Variants in ANKFN1 observed in about 807,000 individuals in gnomAD.
ANKFN1 encodes the protein ankyrin repeat and fibronectin type-III domain-containing protein 1.
In ANKFN1, 74 loss-of-function variants were observed where a neutral mutation model predicts 108.7. The observed-to-expected ratio is 0.68, with a 90% CI of 0.56 to 0.83. The LOEUF (loss-of-function observed/expected upper bound fraction) is 0.83. ANKFN1 is among the 40% of genes least tolerant of loss of function. The pLI is 0.00. For missense variants in ANKFN1, 1,505 were observed against 1,382.3 expected (o/e 1.09, Z -1.41); for synonymous variants, 547 against 516.2 (o/e 1.06, Z -0.81).
At chr17:56,281,094 T>G (rs956999524) in intron 3 of ANKFN1, among the ~76,000 whole-genome samples, 3 of 152,214 alleles carry the variant, frequency 2.0e-5, no homozygotes, top group African/African-American at 7.2e-5. Flanking sequence ...CTCTTTCTTT[T>G]GTAAATTGCC....
intron 4 of ANKFN1, among the ~76,000 whole-genome samples, chr17:56,339,611 C>G (rs1327998574): frequency 6.6e-6 from 1 of 152,174 alleles, no homozygotes; most frequent in African/African-American, 2.4e-5. Context: ...TCCAGCTCCA[C>G]CCATGTCCCT....
Position 56,511,238 on chromosome 17 carries a change from C to A in ANKFN1, c.3410C>A (p.Pro1137His). 1 of 1,532,282 alleles carries A rather than the reference C, an allele frequency of 6.5e-7. No homozygotes were observed. The highest frequency in any genetic ancestry group is 8.7e-7 in the Non-Finnish European group (1 of 1,144,436). 94.9% of individuals were successfully genotyped at this position (1,532,282 alleles called of 1,614,324 possible). A position where few individuals can be genotyped will look rare whatever the true frequency, so the allele number is the denominator to read the frequency against. ...DVSQEGPTAS[P>H]MSEILSSML is the part of the protein sequence containing the mutation. ...AGTCAGGAGGGCCCCACCGCCTCTC[C>A]CATGTCAGAAATACTCAGCAGCATG... Residue 1137 changes from proline to histidine, a missense_variant, in exon 21 of 21, where the codon CCC (proline) becomes CAC (histidine). Pro to His is a moderately conservative substitution (Grantham distance 77). Coordinates refer to ENST00000682825, the MANE Select transcript of ANKFN1 (RefSeq NM_001370326.1).
chr17:56,304,408 AGTT>A (rs1288480524), intron 3 of ANKFN1, among the ~76,000 whole-genome samples: 2 of 152,094 alleles, frequency 1.3e-5, no homozygotes, highest in Non-Finnish European at 2.9e-5. Flanking sequence ...AGGACAACTG[AGTT>A]GTTTTCAGTT....
Position 56,511,933 on chromosome 17 carries a change from A to G in ANKFN1, c.*664A>G, listed in dbSNP as rs893133177. ...GTGCTGTGTGGAGACCACCAGAAAC[A>G]AAAGTGGAGAATTCTCTTTCAGCTC... On this transcript the variant is annotated 3_prime_UTR_variant, in exon 21 of 21. Transcript: ENST00000682825. Among the ~76,000 whole-genome samples the G allele has an allele frequency of 6.6e-6, 1 of 152,146 alleles. No individual in the cohort carries two copies. The highest frequency in any genetic ancestry group is 1.5e-5 in the Non-Finnish European group (1 of 68,024).
At chr17:56,186,544 C>A (rs1912230865) in intron 1 of ANKFN1, among the ~76,000 whole-genome samples, 2 of 152,140 alleles carry the variant, frequency 1.3e-5, no homozygotes, top group South Asian at 4.1e-4. Context: ...CGCAAAAGAG[C>A]AAAAATGTAT....
intron 1 of ANKFN1, among the ~76,000 whole-genome samples, chr17:56,154,141 T>C (rs1340506912): frequency 2.0e-5 from 3 of 152,166 alleles, no homozygotes; most frequent in Non-Finnish European, 4.4e-5. Flanking sequence ...TCGGAATCCC[T>C]GTTACTGACC....
At position 56,317,751 on chromosome 17, in the gene ANKFN1, C is replaced by T. The variant is rs549159803; in HGVS notation, c.54-8470C>T. ...CTGGTGTGTCCCTGAATGGCCAGTG[C>T]AGTCAACACATAATCAGACAATCTA... On this transcript the variant is annotated intron_variant, in intron 3 of 20. Coordinates refer to ENST00000682825, the MANE Select transcript of ANKFN1 (RefSeq NM_001370326.1). 9.8e-5 allele frequency among the ~76,000 whole-genome samples: 15 copies of T among 152,286 alleles called. No individual in the cohort carries two copies. The East Asian group carries it at 1.5e-3, about 16-fold the overall frequency.
At chr17:56,160,255 T>TA (rs1274853487) in intron 1 of ANKFN1, among the ~76,000 whole-genome samples, 2 of 152,174 alleles carry the variant, frequency 1.3e-5, no homozygotes, top group Non-Finnish European at 2.9e-5. Flanking sequence ...TCAGAATGAA[T>TA]AAAAAATGAA....
intron 15 of ANKFN1, among the ~76,000 whole-genome samples, chr17:56,470,058 A>G (rs2050263981): frequency 6.6e-6 from 1 of 152,106 alleles, no homozygotes; most frequent in African/African-American, 2.4e-5. Context: ...CTGTTCCTGC[A>G]TTAGTTTGCT....
intron 10 of ANKFN1, among the ~76,000 whole-genome samples, chr17:56,446,695 A>G (rs1220248933): frequency 2.6e-5 from 4 of 152,072 alleles, no homozygotes; most frequent in Admixed American, 2.6e-4. Flanking sequence ...ACCTGAGGTA[A>G]GAGTTCAAGA....
At chr17:56,377,541 G>C (rs369770050) in intron 8 of ANKFN1, among the ~76,000 whole-genome samples, 45 of 152,286 alleles carry the variant, frequency 3.0e-4, no homozygotes, top group African/African-American at 1.1e-3. Context: ...AAGGAGGCTT[G>C]CATCTTTTAG....
intron 4 of ANKFN1, among the ~76,000 whole-genome samples, chr17:56,342,752 A>G (rs2045992410): frequency 1.3e-5 from 2 of 152,090 alleles, no homozygotes; most frequent in Non-Finnish European, 2.9e-5. Flanking sequence ...TGTGGTGATT[A>G]GAAAAGTGTA....
At position 56,160,646 on chromosome 17, in the gene ANKFN1, CTTTTATAAGAGATGGGAG is replaced by C. The variant is rs1199550574; in HGVS notation, c.-71+7117_-71+7134del. Among the ~76,000 whole-genome samples the C allele has an allele frequency of 5.3e-5, 8 of 152,086 alleles. No individual in the cohort carries two copies. In the South Asian group the frequency reaches 6.2e-4, roughly 12 times the overall value. On this transcript the variant is annotated intron_variant, in intron 1 of 20. Coordinates refer to ENST00000682825, the MANE Select transcript of ANKFN1 (RefSeq NM_001370326.1). ...GCTCTCATGTTTTGTCTTATGGAAA[CTTTTATAAGAGATGGGAG>C]CTGCCGATTGCTTCCATTAAATTAG...
chr17:56,469,774 A>T (rs1224252837), intron 15 of ANKFN1, among the ~76,000 whole-genome samples: 4 of 84,700 alleles, frequency 4.7e-5, no homozygotes, highest in East Asian at 1.5e-3. Flanking sequence ...GTCTCAGAAA[A>T]TTTTTTTTCT....
At chr17:56,411,150 C>CAGT (rs1366873448) in intron 8 of ANKFN1, among the ~76,000 whole-genome samples, 1 of 152,064 alleles carries the variant, frequency 6.6e-6, no homozygotes, top group East Asian at 1.9e-4. Flanking sequence ...TGTCTTTCCA[C>CAGT]CTATGTTTTG....
At chr17:56,150,610 C>T (rs1908542137), upstream of ANKFN1, among the ~76,000 whole-genome samples, 1 of 152,170 alleles carries the variant, frequency 6.6e-6, no homozygotes, top group African/African-American at 2.4e-5. Context: ...AATTCTAATT[C>T]CTTTCCCTTT....
chr17:56,456,707 T>A (rs1037751726), intron 11 of ANKFN1, among the ~76,000 whole-genome samples, 154 bp from the exon 12 acceptor site: 1 of 151,932 alleles, frequency 6.6e-6, no homozygotes, highest in African/African-American at 2.4e-5. Flanking sequence ...CAAGAGCTTC[T>A]TATAGGCATG....
chr17:56,427,319 G>A (rs984896958), intron 8 of ANKFN1, among the ~76,000 whole-genome samples: 5 of 152,090 alleles, frequency 3.3e-5, no homozygotes, highest in African/African-American at 1.2e-4. Flanking sequence ...AGGGGGAGGA[G>A]GAGAAACACT....
At chr17:56,152,391 T>C (rs183878071), upstream of ANKFN1, among the ~76,000 whole-genome samples, 62 of 152,146 alleles carry the variant, frequency 4.1e-4, 1 homozygote, top group African/African-American at 1.4e-3. Flanking sequence ...TACCTATTAT[T>C]ACTTCTTTTC....
Sources: gnomAD v4.1 joint callset for allele counts (sites outside exome capture counted in the v4.1 genomes callset) on GRCh38, gnomAD v4.1.1 for gene constraint, MANE v1.5 for transcripts, NCBI Gene and HGNC (gene_info 2026-07-23, HGNC 2026-07-21) for gene names.